The following C5orf63 variants were observed in gnomAD, a reference collection of about 807,000 sequenced individuals.
The protein encoded by C5orf63 is glutaredoxin-like protein C5orf63.
C5orf63 carries 18 observed loss-of-function variants against 13.3 expected under a neutral mutation model. The observed-to-expected ratio is 1.36, with a 90% CI of 0.94 to 2.01. The LOEUF (loss-of-function observed/expected upper bound fraction) is 2.01, where lower values mean the gene tolerates loss of function less well. C5orf63 is among the 30% of genes most tolerant of loss of function. C5orf63 has a pLI of 0.00. For synonymous variants in C5orf63, 38 were observed against 44.7 expected, an observed-to-expected ratio of 0.85 and a Z score of 0.60; for missense variants, 118 against 127.7, an observed-to-expected ratio of 0.92 and a Z score of 0.36.
rs559167363 is a variant in C5orf63, at chr5:127,069,145, G to A, written c.-8+2439C>T. On this transcript the variant is annotated intron_variant, in intron 2 of 4. Coordinates refer to ENST00000296662, the MANE Select transcript of C5orf63 (RefSeq NM_001164478.2). ...ATATCATACATGAGGCCTTAATAGA[G>A]TTTAAAAACCAATTTGAAAATTCCT... Among the ~76,000 whole-genome samples, 5 of 152,284 alleles carry A rather than the reference G, an allele frequency of 3.3e-5. No homozygotes were observed. The South Asian group carries it at 1.0e-3, about 32-fold the overall frequency.
chr5:127,070,439 G>A (rs760055321), intron 2 of C5orf63, among the ~76,000 whole-genome samples: 5 of 152,144 alleles, frequency 3.3e-5, no homozygotes, highest in South Asian at 4.1e-4. Context: ...GTAACAATGC[G>A]ATTTCTGCTG....
At chr5:127,044,659 G>A (rs1047136179), downstream of C5orf63, 1 of 151,640 alleles carries the variant, frequency 6.6e-6, no homozygotes, top group South Asian at 2.1e-4. Context: ...ACTATAATGG[G>A]TTACTATGGT....
intron 2 of C5orf63, among the ~76,000 whole-genome samples, chr5:127,065,122 C>T (rs539788829): frequency 1.6e-4 from 24 of 152,204 alleles, no homozygotes; most frequent in African/African-American, 5.8e-4. Flanking sequence ...TATACAGATT[C>T]AGGAGAAAGG....
In C5orf63 at chr5:127,051,523, C is replaced by T; in HGVS notation, c.*248G>A. ...AAGGATAAATAAGACAAATGGACTT[C>T]TCCCTCCCTCCATCATCTCCCTCCC... is the stretch of plus-strand genomic sequence containing the variant. On this transcript the variant is annotated 3_prime_UTR_variant, in exon 5 of 5. Coordinates refer to ENST00000296662, the MANE Select transcript of C5orf63 (RefSeq NM_001164478.2). 8.1e-7 allele frequency: 1 copy of T among 1,230,532 alleles called. No individual in the cohort carries two copies. Among genetic ancestry groups the T allele is most frequent in the Non-Finnish European group, 1.0e-6 (1 of 984,730 alleles). 76.2% of individuals were successfully genotyped at this position (1,230,532 alleles called of 1,614,324 possible). A position where few individuals can be genotyped will look rare whatever the true frequency, so the allele number is the denominator to read the frequency against.
chr5:127,047,651 T>C, downstream of C5orf63: 6 of 698,880 alleles, frequency 8.6e-6, no homozygotes, highest in South Asian at 9.0e-5. Flanking sequence ...TATTCCTATA[T>C]ATTTGGTGGA....
chr5:127,058,657 C>A, intron 3 of C5orf63: 1 of 456,834 alleles, frequency 2.2e-6, no homozygotes, highest in South Asian at 4.0e-5. Flanking sequence ...TCATTTTTTT[C>A]AATGTAGGGG....
chr5:127,066,590 C>T (rs1754342605), intron 2 of C5orf63, among the ~76,000 whole-genome samples: 1 of 151,904 alleles, frequency 6.6e-6, no homozygotes, highest in Non-Finnish European at 1.5e-5. Flanking sequence ...GAGGCAAGAA[C>T]AGATTGAAGA....
At chr5:127,059,493 C>T (rs1016692123) in intron 2 of C5orf63, among the ~76,000 whole-genome samples, 3 of 152,028 alleles carry the variant, frequency 2.0e-5, no homozygotes, top group African/African-American at 7.2e-5. Context: ...TTTGGGAGGC[C>T]AAAATGGGCA....
chr5:127,061,508 T>C (rs559993520), intron 2 of C5orf63, among the ~76,000 whole-genome samples: 1 of 152,240 alleles, frequency 6.6e-6, no homozygotes, highest in Non-Finnish European at 1.5e-5. Flanking sequence ...GATGAGAATT[T>C]TACAAGGATC....
chr5:127,069,157 A>G (rs185695145), intron 2 of C5orf63, among the ~76,000 whole-genome samples: 3 of 152,206 alleles, frequency 2.0e-5, no homozygotes, highest in Admixed American at 1.3e-4. Flanking sequence ...TTAAAAACCA[A>G]TTTGAAAATT....
intron 2 of C5orf63, among the ~76,000 whole-genome samples, chr5:127,064,799 T>G (rs913066285): frequency 1.6e-4 from 25 of 152,236 alleles, no homozygotes; most frequent in African/African-American, 6.0e-4. Flanking sequence ...TTCCACTGTT[T>G]GGACTCGATG....
chr5:127,066,571 A>G (rs1427752549), intron 2 of C5orf63, among the ~76,000 whole-genome samples: 9 of 152,128 alleles, frequency 5.9e-5, no homozygotes, highest in Admixed American at 5.9e-4. Flanking sequence ...TACTAAAATA[A>G]GGAAAACTGA....
At chr5:127,050,599 A>G (rs1381539284), downstream of C5orf63, among the ~76,000 whole-genome samples, 1 of 152,198 alleles carries the variant, frequency 6.6e-6, no homozygotes, top group Non-Finnish European at 1.5e-5. Flanking sequence ...CTGTGGGGCA[A>G]GACCTGGCCT....
intron 3 of C5orf63, among the ~76,000 whole-genome samples, chr5:127,057,796 T>C (rs996419882): frequency 1.3e-5 from 2 of 152,214 alleles, no homozygotes; most frequent in Middle Eastern, 3.2e-3. Context: ...ATGGTGTGCA[T>C]AGTGCCAGGA....
In C5orf63 at chr5:127,073,433, G is replaced by C. The variant is rs908492483; in HGVS notation, c.-110+18C>G. ...ACCCGCGAGCGCTCACCCTCGGCGCGGGACTAAGGGAACCCACCTGAGCCT... is the reference window on the plus strand; with the variant it reads ...ACCCGCGAGCGCTCACCCTCGGCGCCGGACTAAGGGAACCCACCTGAGCCT... On this transcript the variant is annotated intron_variant, in intron 1 of 4. Coordinates refer to ENST00000296662, the MANE Select transcript of C5orf63 (RefSeq NM_001164478.2). 6.6e-6 allele frequency: 1 copy of C among 152,234 alleles called. No homozygotes were observed. The highest frequency in any genetic ancestry group is 1.5e-5 in the Non-Finnish European group (1 of 68,070). 9.4% of individuals were successfully genotyped at this position (152,234 alleles called of 1,614,324 possible).
chr5:127,064,325 A>T (rs1580533198), intron 2 of C5orf63, among the ~76,000 whole-genome samples: 1 of 152,332 alleles, frequency 6.6e-6, no homozygotes, highest in East Asian at 1.9e-4. Flanking sequence ...GTGCAGCTCT[A>T]ACTCACTGGC....
At chr5:127,058,683 A>C in intron 3 of C5orf63, 199 bp downstream of exon 3, 1 of 547,072 alleles carries the variant, frequency 1.8e-6, no homozygotes, top group South Asian at 2.6e-5. Flanking sequence ...TGACCATTAA[A>C]TACATCAATT....
chr5:127,065,878 T>C (rs11241916), intron 2 of C5orf63, among the ~76,000 whole-genome samples: 91,301 of 151,934 alleles, frequency 0.6, 28,614 homozygotes, highest in East Asian at 0.79. Flanking sequence ...ATTATAGGTG[T>C]TGGGGTATGG....
At position 127,052,659 on chromosome 5, in the gene C5orf63, G is replaced by C. The variant is rs745777421; in HGVS notation, c.125C>G (p.Pro42Arg). 6.6e-7 allele frequency: 1 copy of C among 1,506,386 alleles called. No individual in the cohort carries two copies. The allele number at this position is 1,506,386 out of a possible 1,614,324, so 93.3% of individuals were successfully genotyped here. ...TACTTCCTTGGCTTCATCACAAAGG[G>C]GGCATGGGTCCTACAGGAAGAAAAA... ...VLTLFTKDPCPLCDEAKEVLK... is the reference protein window; with the variant it reads ...VLTLFTKDPCRLCDEAKEVLK... Residue 42 changes from proline to arginine, a missense_variant, in exon 4 of 5, where the codon CCC becomes CGC. By Grantham distance (103) the Pro-to-Arg change is moderately radical. Coordinates refer to ENST00000296662, the MANE Select transcript of C5orf63 (RefSeq NM_001164478.2).
Sources: allele counts gnomAD v4.1 joint callset (sites outside exome capture counted in the v4.1 genomes callset), GRCh38; gene constraint gnomAD v4.1.1; transcripts MANE v1.5; gene names NCBI Gene and HGNC (gene_info 2026-07-23, HGNC 2026-07-21).